The following KCNQ2 variants were observed in gnomAD, a reference collection of about 807,000 sequenced individuals.
The protein encoded by KCNQ2 is potassium voltage-gated channel subfamily Q member 2.
Under a neutral mutation model 84.8 loss-of-function variants are expected in KCNQ2, and 14 were observed. The ratio of observed to expected loss-of-function variants is 0.17; its 90% CI spans 0.11 to 0.26. The LOEUF (loss-of-function observed/expected upper bound fraction) is 0.26. KCNQ2 is among the 10% of genes least tolerant of loss of function. The probability of loss-of-function intolerance (pLI) is 1.00; values close to 1 mark genes in which losing one functional copy is unlikely to be tolerated. For synonymous variants in KCNQ2, 599 were observed against 554.1 expected (o/e 1.08, Z -1.14); for missense variants, 788 against 1,254.0 (o/e 0.63, Z 5.61).
chr20:63,432,945 G>A (rs553427125), intron 8 of KCNQ2, among the ~76,000 whole-genome samples: 1 of 152,230 alleles, frequency 6.6e-6, no homozygotes, highest in South Asian at 2.1e-4. Context: ...CAGGTGACGG[G>A]GGGCGCGGGA....
At position 63,453,007 on chromosome 20, in the gene KCNQ2, C is replaced by T. The variant is rs538424250; in HGVS notation, c.297-6170G>A. ...GTGAGAAGCTCAAAGCGCAGCACCG[C>T]GTGTGGAGGCCGGGTGGGTCCAAGA... On this transcript the variant is annotated intron_variant, in intron 1 of 16. Transcript: ENST00000359125. Among the ~76,000 whole-genome samples the T allele has an allele frequency of 5.3e-5, 8 of 152,336 alleles. No individual in the cohort carries two copies. In the South Asian group the frequency reaches 1.7e-3, roughly 32 times the overall value.
intron 10 of KCNQ2, 107 bp from the exon 11 acceptor site, chr20:63,424,313 AG>A (rs747989471): frequency 4.6e-6 from 6 of 1,313,840 alleles, no homozygotes; most frequent in African/African-American, 4.4e-5. Flanking sequence ...GCTGCAGGGG[AG>A]GGGGGTCTCA....
At chr20:63,442,556 C>G (rs1229790353) in intron 4 of KCNQ2, 25 bp from the exon 5 acceptor site, 1 of 1,612,006 alleles carries the variant, frequency 6.2e-7, no homozygotes, top group Non-Finnish European at 8.5e-7. Flanking sequence ...GCACCACCAT[C>G]ATGACCACCA....
At chr20:63,439,503 C>T in intron 6 of KCNQ2, 95 bp downstream of exon 6, 2 of 920,326 alleles carry the variant, frequency 2.2e-6, no homozygotes, top group Non-Finnish European at 3.6e-6. Context: ...TGCCCCAGGT[C>T]CCACCTAGGG....
At chr20:63,455,599 A>AG (rs1035498658) in intron 1 of KCNQ2, among the ~76,000 whole-genome samples, 6 of 152,160 alleles carry the variant, frequency 3.9e-5, no homozygotes, top group African/African-American at 1.4e-4. Flanking sequence ...TGGGGCAGGG[A>AG]GGGGCCCATG....
intron 12 of KCNQ2, among the ~76,000 whole-genome samples, chr20:63,416,504 G>T (rs887312833): frequency 2.6e-5 from 4 of 152,198 alleles, no homozygotes; most frequent in Non-Finnish European, 5.9e-5. Flanking sequence ...CTGGGGACCC[G>T]CTCATGCCCA....
Position 63,424,216 on chromosome 20 carries a change from G to T in KCNQ2, c.1218-10C>A. On this transcript the variant is annotated splice_polypyrimidine_tract_variant and intron_variant, in intron 10 of 16. Transcript: ENST00000359125. ...CGGCGGGGGGTCCTTCCTTCAAACA[G>T]AAGCAACAGAGAGTTAGTGGCCGCC... The T allele has an allele frequency of 6.4e-7, 1 of 1,554,250 alleles. No individual in the cohort carries two copies.
chr20:63,419,327 C>T (rs2080395410), intron 12 of KCNQ2, among the ~76,000 whole-genome samples: 1 of 152,200 alleles, frequency 6.6e-6, no homozygotes, highest in Non-Finnish European at 1.5e-5. Context: ...CAGTCGGGGA[C>T]CCCAGGAGGC....
chr20:63,412,868 C>A (rs2080162939), intron 15 of KCNQ2, among the ~76,000 whole-genome samples: 1 of 152,204 alleles, frequency 6.6e-6, no homozygotes, highest in African/African-American at 2.4e-5. Flanking sequence ...GTGTGTATAT[C>A]CTTGTTTGTA....
At position 63,453,874 on chromosome 20, in the gene KCNQ2, C is replaced by T. The variant is rs569668649; in HGVS notation, c.297-7037G>A. On this transcript the variant is annotated intron_variant, in intron 1 of 16. Coordinates refer to ENST00000359125, the MANE Select transcript of KCNQ2 (RefSeq NM_172107.4). Reference sequence around the variant, plus strand: ...AGGCTGACCAGACTTGAGAACAGGGCGGGGTGGGGACAACGACAGCCCCAC... The same window carrying T: ...AGGCTGACCAGACTTGAGAACAGGGTGGGGTGGGGACAACGACAGCCCCAC... 3.3e-5 allele frequency among the ~76,000 whole-genome samples: 5 copies of T among 151,764 alleles called. No individual in the cohort carries two copies. In the East Asian group the frequency reaches 7.8e-4, roughly 24 times the overall value.
intron 4 of KCNQ2, among the ~76,000 whole-genome samples, chr20:63,444,389 G>T (rs1437767654): frequency 2.0e-5 from 3 of 152,194 alleles, no homozygotes; most frequent in African/African-American, 7.2e-5. Context: ...GGTGGGGGTG[G>T]CAGGGGCCAA....
chr20:63,456,776 C>T (rs929245277), intron 1 of KCNQ2, among the ~76,000 whole-genome samples: 2 of 152,246 alleles, frequency 1.3e-5, no homozygotes, highest in Non-Finnish European at 2.9e-5. Context: ...CCATGCACCC[C>T]TCTCCCACTG....
At chr20:63,443,441 A>ACCATCG in intron 4 of KCNQ2, among the ~76,000 whole-genome samples, 1 of 121,062 alleles carries the variant, frequency 8.3e-6, no homozygotes, top group Admixed American at 8.1e-5. Context: ...CATCACCATC[A>ACCATCG]CCACCACCAT....
intron 7 of KCNQ2, among the ~76,000 whole-genome samples, chr20:63,434,982 C>T (rs756457785): frequency 6.6e-6 from 1 of 152,214 alleles, no homozygotes; most frequent in Non-Finnish European, 1.5e-5. Context: ...GTGACAACTC[C>T]ACGTTTACGA....
In KCNQ2 at chr20:63,408,403, C is replaced by T. The variant is rs1422499897; in HGVS notation, c.1887+10G>A. The T allele has an allele frequency of 1.9e-6, 3 of 1,606,852 alleles. No individual in the cohort carries two copies. Among genetic ancestry groups the T allele is most frequent in the Non-Finnish European group, 1.7e-6 (2 of 1,179,276 alleles). ...CCAGCCCCGCACCCCTCCCGCCCAG[C>T]CTCTCGCACCTGCTTCTCCACCTTC... On this transcript the variant is annotated intron_variant, in intron 16 of 16. Transcript: ENST00000359125. The surrounding 1 kb of genome is among the most constrained non-coding windows in gnomAD (Gnocchi z 5.0).
intron 5 of KCNQ2, among the ~76,000 whole-genome samples, chr20:63,440,495 C>G (rs756792014): frequency 6.6e-6 from 1 of 152,218 alleles, no homozygotes; most frequent in South Asian, 2.1e-4. Flanking sequence ...CCACAAGCCA[C>G]GGGCTCAGGA....
At chr20:63,468,842 CCCCAAGCTCTCAT>C (rs142748044) in intron 1 of KCNQ2, among the ~76,000 whole-genome samples, 11,943 of 152,262 alleles carry the variant, frequency 0.078, 963 homozygotes, top group East Asian at 0.44. Context: ...CAATCTGCAC[CCCCAAGCTCTCAT>C]CTCAGGCTGG....
intron 12 of KCNQ2, 90 bp downstream of exon 12, chr20:63,419,528 TC>T: frequency 1.5e-6 from 2 of 1,323,404 alleles, no homozygotes; most frequent in Non-Finnish European, 2.1e-6. Flanking sequence ...GGCGCCAGCC[TC>T]CCCCTGGCTC....
At chr20:63,469,489 C>T (rs762205880) in intron 1 of KCNQ2, among the ~76,000 whole-genome samples, 11 of 152,242 alleles carry the variant, frequency 7.2e-5, no homozygotes, top group Non-Finnish European at 1.3e-4. Flanking sequence ...CCTGGCCTGA[C>T]GCCCACCAAG....
Sources: gnomAD v4.1 joint callset for allele counts (sites outside exome capture counted in the v4.1 genomes callset) on GRCh38, gnomAD v4.1.1 for gene constraint, Gnocchi (gnomAD v3.1) non-coding constraint, MANE v1.5 for transcripts, NCBI Gene and HGNC (gene_info 2026-07-23, HGNC 2026-07-21) for gene names.